Variants in RNF216 observed in about 807,000 individuals in gnomAD.
RNF216 encodes the protein E3 ubiquitin-protein ligase RNF216.
A neutral mutation model predicts 110.8 loss-of-function variants in RNF216; 72 were observed. That is an observed-to-expected ratio of 0.65 (90% CI 0.54 to 0.79). The LOEUF is 0.79. Among genes scored for constraint, RNF216 ranks in the 30% least tolerant of loss-of-function variants. The pLI is 0.00. For missense variants in RNF216, 1,342 were observed against 1,141.2 expected (o/e 1.18, Z -2.54); for synonymous variants, 495 against 407.5 (o/e 1.21, Z -2.59).
In RNF216 at chr7:5,652,435, C is replaced by T. The variant is rs773659215; in HGVS notation, c.2137G>A (p.Asp713Asn). The T allele has an allele frequency of 1.6e-5, 26 of 1,612,892 alleles. No individual in the cohort carries two copies. Among genetic ancestry groups the T allele is most frequent in the South Asian group, 6.6e-5 (6 of 91,034 alleles). Residue 713 changes from aspartate (D) to asparagine (N), a missense_variant, in exon 14 of 17, where the codon GAC becomes AAC. Transcript: ENST00000389902. ...LTCEELAEKD[D>N]IKYRTSIEEK... ...CACATAGAGGTACGGTACTTGATGT[C>T]GTCTTTTTCAGCCAGCTCTTCACAG...
At chr7:5,699,158 C>T (rs1356412609) in intron 13 of RNF216, among the ~76,000 whole-genome samples, 1 of 152,174 alleles carries the variant, frequency 6.6e-6, no homozygotes, top group Non-Finnish European at 1.5e-5. Context: ...CCAATCTGAG[C>T]TTATCTATAC....
intron 2 of RNF216, chr7:5,760,540 C>CA (rs1238181400): frequency 3.4e-6 from 1 of 296,378 alleles, no homozygotes; most frequent in Non-Finnish European, 6.8e-6. Flanking sequence ...AAAAACAAAA[C>CA]AAAACTGTAG....
chr7:5,715,331 T>C (rs1792978388), intron 10 of RNF216, 141 bp from the exon 11 acceptor site: 3 of 723,462 alleles, frequency 4.1e-6, no homozygotes, highest in Middle Eastern at 4.1e-4. Flanking sequence ...AAAACAATGA[T>C]ATGCTGTTTC....
At chr7:5,755,638 A>G (rs1051265956) in intron 2 of RNF216, among the ~76,000 whole-genome samples, 2 of 152,342 alleles carry the variant, frequency 1.3e-5, no homozygotes, top group East Asian at 3.9e-4. Flanking sequence ...GCATGCTGTT[A>G]TAATTCTTTC....
At chr7:5,673,240 T>G (rs1790039329) in intron 13 of RNF216, among the ~76,000 whole-genome samples, 1 of 152,166 alleles carries the variant, frequency 6.6e-6, no homozygotes, top group Non-Finnish European at 1.5e-5. Context: ...AGCCACAAGG[T>G]GTACAGCATG....
At chr7:5,691,491 G>T (rs1269685808) in intron 13 of RNF216, among the ~76,000 whole-genome samples, 5 of 152,200 alleles carry the variant, frequency 3.3e-5, no homozygotes, top group African/African-American at 1.2e-4. Context: ...AGCTATGGTG[G>T]GGGTGGGGAA....
At chr7:5,767,426 C>A (rs1018380534) in intron 1 of RNF216, among the ~76,000 whole-genome samples, 3 of 152,054 alleles carry the variant, frequency 2.0e-5, no homozygotes, top group Admixed American at 2.0e-4. Context: ...GGACAAAATT[C>A]CAGCAAGGAA....
rs753042729 is a variant in RNF216 at position 5,741,542 on chromosome 7, C to T, written c.475G>A (p.Gly159Arg). 6.2e-7 allele frequency: 1 copy of T among 1,614,038 alleles called. No homozygotes were observed. Among genetic ancestry groups the T allele is most frequent in the African/African-American group, 1.3e-5 (1 of 74,902 alleles). ...TTTGCTGCTTGGTTATGACTCGGTC[C>T]AGGCTTGGGTTCTCTTTCTGTTTGG... ...SGQTEREPKP[G>R]PSHNQAANDI... is the part of the protein sequence containing the mutation. The change falls in exon 4 of 17, where the codon GGA becomes AGA. Residue 159 changes from glycine (G) to arginine (R), a missense_variant. Gly to Arg is a moderately radical substitution (Grantham distance 125, BLOSUM62 -2). Transcript: ENST00000389902.
chr7:5,632,749 C>T (rs1165425860), intron 15 of RNF216, among the ~76,000 whole-genome samples: 1 of 152,082 alleles, frequency 6.6e-6, no homozygotes, highest in African/African-American at 2.4e-5. Flanking sequence ...TGCATTCCAG[C>T]CTGGGCGACA....
intron 13 of RNF216, among the ~76,000 whole-genome samples, chr7:5,687,331 G>A (rs1251442532): frequency 2.7e-5 from 4 of 147,860 alleles, no homozygotes; most frequent in African/African-American, 1.0e-4. Flanking sequence ...GGGAGGCGGA[G>A]GTTGCAGTGA....
rs564816402 is a variant in RNF216, at chr7:5,672,384, G to A, written c.2062-19874C>T. Reference sequence around the variant, plus strand: ...TAAAAGGATCCCACTCTGCAAAAACGCCAAGTTGGAGAGTTATGTTTGTTA... The same window carrying A: ...TAAAAGGATCCCACTCTGCAAAAACACCAAGTTGGAGAGTTATGTTTGTTA... On this transcript the variant is annotated intron_variant, in intron 13 of 16. Transcript: ENST00000389902. 2.6e-5 allele frequency among the ~76,000 whole-genome samples: 4 copies of A among 152,288 alleles called. No individual in the cohort carries two copies. In the South Asian group the frequency reaches 6.2e-4, roughly 24 times the overall value.
Position 5,715,039 on chromosome 7 carries a change from T to A in RNF216, c.1833+14A>T, listed in dbSNP as rs759552295. On this transcript the variant is annotated intron_variant, in intron 11 of 16. Transcript: ENST00000389902. ...TGTGTCCTATATACATGGGACATAT[T>A]ACACAGTTCTTACCTTTCCAGATCC... The A allele has an allele frequency of 6.2e-7, 1 of 1,606,690 alleles. No homozygotes were observed. Among genetic ancestry groups the A allele is most frequent in the Non-Finnish European group, 8.5e-7 (1 of 1,175,500 alleles).
intron 13 of RNF216, among the ~76,000 whole-genome samples, chr7:5,691,428 T>A (rs530889641): frequency 6.6e-6 from 1 of 151,320 alleles, no homozygotes; most frequent in Admixed American, 6.6e-5. Context: ...CAGGAACAGA[T>A]GAATGCGTAA....
intron 1 of RNF216, among the ~76,000 whole-genome samples, chr7:5,771,074 G>C (rs1192088877): frequency 2.0e-5 from 3 of 152,122 alleles, no homozygotes; most frequent in Non-Finnish European, 4.4e-5. Flanking sequence ...CCAAAGTGCT[G>C]GGATTACAGG....
At chr7:5,701,602 G>C (rs908401038) in intron 13 of RNF216, among the ~76,000 whole-genome samples, 1 of 152,232 alleles carries the variant, frequency 6.6e-6, no homozygotes, top group Non-Finnish European at 1.5e-5. Context: ...ATGTGGCTTA[G>C]GGAGATCAAG....
intron 15 of RNF216, among the ~76,000 whole-genome samples, chr7:5,625,708 G>A (rs852460): frequency 0.033 from 5,013 of 152,348 alleles, 118 homozygotes; most frequent in Non-Finnish European, 0.047. Context: ...TTCTAAGTTT[G>A]CTGATTAAAC....
chr7:5,746,591 C>T (rs759992948), intron 3 of RNF216, among the ~76,000 whole-genome samples: 1 of 152,130 alleles, frequency 6.6e-6, no homozygotes, highest in East Asian at 1.9e-4. Flanking sequence ...CAGATGGAAA[C>T]TGCAAAGTGA....
chr7:5,716,783 G>C lies in RNF216; in HGVS notation c.1645-17C>G. ...GTCTTCATGCTGAAGAACAAAAAAG[G>C]CACACATTCAGACACAAATTTAGTA... On this transcript the variant is annotated splice_polypyrimidine_tract_variant and intron_variant, in intron 9 of 16. Coordinates refer to ENST00000389902, the MANE Select transcript of RNF216 (RefSeq NM_207111.4). 2 of 1,598,456 alleles carry C rather than the reference G, an allele frequency of 1.3e-6. No homozygotes were observed. The highest frequency in any genetic ancestry group is 1.1e-5 in the South Asian group (1 of 88,490).
chr7:5,774,321 A>G (rs764976295), intron 1 of RNF216, among the ~76,000 whole-genome samples: 1 of 152,198 alleles, frequency 6.6e-6, no homozygotes, highest in South Asian at 2.1e-4. Context: ...CCCAAGTCCC[A>G]GCTTTACTGT....
Sources: allele counts gnomAD v4.1 joint callset (sites outside exome capture counted in the v4.1 genomes callset), GRCh38; gene constraint gnomAD v4.1.1; transcripts MANE v1.5; gene names NCBI Gene and HGNC (gene_info 2026-07-23, HGNC 2026-07-21).